Variants in CHD1L observed in about 807,000 individuals in gnomAD.
CHD1L encodes the protein chromodomain helicase DNA binding protein 1 like.
A neutral mutation model predicts 115.9 loss-of-function variants in CHD1L; 118 were observed. That is an observed-to-expected ratio of 1.02 (90% CI 0.88 to 1.19). The LOEUF (loss-of-function observed/expected upper bound fraction) is 1.19. Among genes scored for constraint, CHD1L ranks in the 50% most tolerant of loss-of-function variants. CHD1L has a pLI of 0.00. For missense variants in CHD1L, 1,179 were observed against 1,065.3 expected (o/e 1.11, Z -1.49); for synonymous variants, 411 against 387.1 (o/e 1.06, Z -0.72).
chr1:147,281,997 A>T (rs781909325), intron 15 of CHD1L, among the ~76,000 whole-genome samples: 29 of 152,208 alleles, frequency 1.9e-4, no homozygotes, highest in Non-Finnish European at 3.5e-4. Context: ...ACAATATGTC[A>T]TCATTAGCTA....
chr1:147,256,247 G>A (rs968602125), intron 4 of CHD1L, among the ~76,000 whole-genome samples: 4 of 152,286 alleles, frequency 2.6e-5, no homozygotes, highest in Middle Eastern at 3.4e-3. Flanking sequence ...GAGGAATCAC[G>A]TCTGTTACTG....
At chr1:147,179,336 A>T in the CHD1L span, 1 of 1,604,312 alleles carries the variant, frequency 6.2e-7, no homozygotes, top group African/African-American at 1.3e-5. Context: ...TGGTGTGGTC[A>T]CTGTAAGAAC....
the CHD1L span, among the ~76,000 whole-genome samples, chr1:147,206,233 G>T: frequency 6.6e-6 from 1 of 150,950 alleles, no homozygotes; most frequent in African/African-American, 2.5e-5. Context: ...TCTCACACCA[G>T]TTAGAATGGC....
intron 6 of CHD1L, among the ~76,000 whole-genome samples, chr1:147,261,621 G>A (rs1479284385): frequency 6.6e-6 from 1 of 152,040 alleles, no homozygotes; most frequent in Non-Finnish European, 1.5e-5. Context: ...AATTTAAAAC[G>A]GGAGGAGAGA....
rs182261468 is a variant in CHD1L at position 147,278,413 on chromosome 1, C to T, written c.1540-1613C>T. On this transcript the variant is annotated intron_variant, in intron 14 of 22. Coordinates refer to ENST00000369258, the MANE Select transcript of CHD1L (RefSeq NM_004284.6). ...CTAATTTTTGCATTTTTAGTAGAGA[C>T]GGGGTTTCACCATGTTGGCCAGACT... Among the ~76,000 whole-genome samples the T allele has an allele frequency of 1.2e-4, 18 of 151,296 alleles. No individual in the cohort carries two copies. In the East Asian group the frequency reaches 1.6e-3, roughly 13 times the overall value.
chr1:147,251,640 C>T (rs913321582), intron 1 of CHD1L, among the ~76,000 whole-genome samples: 7 of 152,082 alleles, frequency 4.6e-5, no homozygotes, highest in African/African-American at 1.4e-4. Flanking sequence ...GCAATTCCCC[C>T]TGCCTCAGCC....
At chr1:147,193,388 T>G in the CHD1L span, among the ~76,000 whole-genome samples, 2 of 152,248 alleles carry the variant, frequency 1.3e-5, no homozygotes, top group African/African-American at 2.4e-5. Flanking sequence ...ATCTATTTGA[T>G]TCTTCTCTTT....
intron 9 of CHD1L, 149 bp from the exon 10 acceptor site, chr1:147,268,633 G>A: frequency 3.4e-6 from 2 of 583,864 alleles, no homozygotes; most frequent in Admixed American, 5.9e-5. Flanking sequence ...GGATGTGCTA[G>A]GCTGTGTAAT....
chr1:147,282,620 T>C (rs1430146049), intron 15 of CHD1L, among the ~76,000 whole-genome samples: 4 of 152,228 alleles, frequency 2.6e-5, no homozygotes, highest in African/African-American at 9.6e-5. Flanking sequence ...ACTGTCACTT[T>C]GTGGTTTCAA....
intron 16 of CHD1L, among the ~76,000 whole-genome samples, chr1:147,284,951 T>G (rs1682493710): frequency 6.6e-6 from 1 of 152,214 alleles, no homozygotes; most frequent in Non-Finnish European, 1.5e-5. Context: ...AAAAGTTACA[T>G]AATACATTGC....
intron 20 of CHD1L, among the ~76,000 whole-genome samples, chr1:147,292,064 G>A (rs1342120745): frequency 6.6e-6 from 1 of 152,132 alleles, no homozygotes; most frequent in African/African-American, 2.4e-5. Context: ...CTGTCCCCAG[G>A]CTTCCATCCA....
chr1:147,277,263 A>G (rs1223085618), intron 14 of CHD1L, among the ~76,000 whole-genome samples: 1 of 152,248 alleles, frequency 6.6e-6, no homozygotes, highest in Non-Finnish European at 1.5e-5. Context: ...AGTTTGCAAG[A>G]TGGACTAGGA....
At chr1:147,204,904 C>A in the CHD1L span, 9 of 1,581,366 alleles carry the variant, frequency 5.7e-6, no homozygotes, top group Non-Finnish European at 7.0e-6. Context: ...CTGGGCGAAG[C>A]CCGGAGCCTT....
intron 7 of CHD1L, among the ~76,000 whole-genome samples, chr1:147,265,359 T>C (rs1553947245): frequency 6.6e-6 from 1 of 152,232 alleles, no homozygotes. Context: ...GTTAAAAAGT[T>C]ATTCATTATT....
In CHD1L at chr1:147,288,322, C is replaced by CATAAAAAAAAAA. The variant is rs1452486110; in HGVS notation, c.2320+590_2320+591insTAAAAAAAAAAA. Among the ~76,000 whole-genome samples, 409 of 87,650 alleles carry CATAAAAAAAAAA rather than the reference C, an allele frequency of 4.7e-3. 8 individuals are homozygous for CATAAAAAAAAAA. Among genetic ancestry groups the CATAAAAAAAAAA allele is most frequent in the East Asian group, 8.8e-3 (23 of 2,602 alleles). 57.5% of individuals were successfully genotyped at this position (87,650 alleles called of 152,430 possible). A position where few individuals can be genotyped will look rare whatever the true frequency, so the allele number is the denominator to read the frequency against. ...CCTGAGTGAGAGTGAGACCCTGTTT[C>CATAAAAAAAAAA]AATAAAAAAAAAAAAAAAAAAAAAG... On this transcript the variant is annotated intron_variant, in intron 19 of 22. Coordinates refer to ENST00000369258, the MANE Select transcript of CHD1L (RefSeq NM_004284.6).
the CHD1L span, among the ~76,000 whole-genome samples, chr1:147,181,277 A>G: frequency 6.6e-6 from 1 of 152,162 alleles, no homozygotes; most frequent in African/African-American, 2.4e-5. Flanking sequence ...ACCTTAACTG[A>G]TAAGAGTGGC....
the CHD1L span, chr1:147,225,637 T>C: frequency 1.3e-5 from 2 of 153,260 alleles, no homozygotes; most frequent in African/African-American, 4.8e-5. Context: ...TTCCTGGTTT[T>C]TGCCTTAAAG....
At chr1:147,235,563 A>C in the CHD1L span, among the ~76,000 whole-genome samples, 1 of 152,148 alleles carries the variant, frequency 6.6e-6, no homozygotes, top group Admixed American at 6.5e-5. Context: ...CCCTTGCATC[A>C]AAGTTATAAC....
At chr1:147,226,701 T>C in the CHD1L span, among the ~76,000 whole-genome samples, 1 of 152,338 alleles carries the variant, frequency 6.6e-6, no homozygotes, top group East Asian at 1.9e-4. Flanking sequence ...AATTTTGCTC[T>C]TCCAATCTGC....
Sources: allele counts gnomAD v4.1 joint callset (sites outside exome capture counted in the v4.1 genomes callset), GRCh38; gene constraint gnomAD v4.1.1; transcripts MANE v1.5; gene names NCBI Gene and HGNC (gene_info 2026-07-23, HGNC 2026-07-21).